Variants in NUDC observed in about 807,000 individuals in gnomAD.
The protein encoded by NUDC is nuclear distribution C, dynein complex regulator.
A neutral mutation model predicts 45.0 loss-of-function variants in NUDC; 14 were observed. The observed-to-expected ratio is 0.31, with a 90% confidence interval of 0.21 to 0.49. The LOEUF is 0.49. Among genes scored for constraint, NUDC ranks in the 20% least tolerant of loss-of-function variants. NUDC has a pLI of 0.99. For synonymous variants in NUDC, 153 were observed against 156.7 expected, an observed-to-expected ratio of 0.98 and a Z score of 0.17; for missense variants, 323 against 426.2, an observed-to-expected ratio of 0.76 and a Z score of 2.13.
chr1:26,930,409 C>G lies in NUDC; in HGVS notation c.159+6243C>G, dbSNP rs1311180320. 2.4e-4 allele frequency among the ~76,000 whole-genome samples: 36 copies of G among 152,206 alleles called. 1 individual carries two copies. Among genetic ancestry groups the G allele is most frequent in the Admixed American group, 2.4e-3 (36 of 15,274 alleles). ...GGTCTTGAATTTCTGATTCTGATCT[C>G]AAGCGACCTACCCGCCTTTGCGGCC... On this transcript the variant is annotated intron_variant, in intron 2 of 8. Transcript: ENST00000321265.
At chr1:26,911,488 A>G (rs972439636) in intron 3 of NUDC, 5 of 348,192 alleles carry the variant, frequency 1.4e-5, no homozygotes, top group African/African-American at 6.4e-5. Flanking sequence ...TCAGGCTCCA[A>G]GTGTTTCATA....
chr1:26,904,111 A>G (rs2124048049), intron 2 of NUDC, among the ~76,000 whole-genome samples: 1 of 149,142 alleles, frequency 6.7e-6, no homozygotes, highest in Non-Finnish European at 1.5e-5. Context: ...GAGAAATTGT[A>G]GATAGGACCA....
chr1:26,939,194 A>G (rs1024142303), intron 2 of NUDC, among the ~76,000 whole-genome samples: 2 of 151,958 alleles, frequency 1.3e-5, no homozygotes, highest in Non-Finnish European at 2.9e-5. Flanking sequence ...GGGTTTTACC[A>G]TGTTGGCCAG....
chr1:26,916,847 C>T (rs142670795), upstream of NUDC, among the ~76,000 whole-genome samples: 6 of 152,182 alleles, frequency 3.9e-5, no homozygotes, highest in East Asian at 1.9e-4. Context: ...TCCAGCTACT[C>T]GAAAGACTAA....
chr1:26,928,277 A>G (rs1013285237), intron 2 of NUDC, among the ~76,000 whole-genome samples: 1 of 152,192 alleles, frequency 6.6e-6, no homozygotes, highest in Non-Finnish European at 1.5e-5. Flanking sequence ...AAAATTTGCC[A>G]TCTGTCATAC....
intron 2 of NUDC, among the ~76,000 whole-genome samples, chr1:26,932,880 C>T (rs1433100599): frequency 6.6e-6 from 1 of 152,092 alleles, no homozygotes; most frequent in Admixed American, 6.6e-5. Context: ...ATGTAATGTC[C>T]ACAGATTTAT....
exon 1 of NUDC, chr1:26,900,241 G>T (rs745895489): frequency 1.2e-6 from 2 of 1,614,056 alleles, no homozygotes; most frequent in Non-Finnish European, 1.7e-6. Flanking sequence ...GGGTCGGTAG[G>T]AATTAGGGCA....
chr1:26,921,744 CGGAAGGCGGACGA>C lies in NUDC; in HGVS notation c.-104_-92del. On this transcript the variant is annotated 5_prime_UTR_variant, in exon 1 of 9. Coordinates refer to ENST00000321265, the MANE Select transcript of NUDC (RefSeq NM_006600.4). The stretch of plus-strand genomic sequence containing the variant: ...CGCGTGCGTGTTTCCGGCTCCGCTG[CGGAAGGCGGACGA>C]CTAGAGTCGTTGGGCCCGGCGCGAC... 1 of 1,253,256 alleles carries C rather than the reference CGGAAGGCGGACGA, an allele frequency of 8.0e-7. No individual in the cohort carries two copies. The highest frequency in any genetic ancestry group is 1.1e-6 in the Non-Finnish European group (1 of 884,914). 77.6% of individuals were successfully genotyped at this position (1,253,256 alleles called of 1,614,324 possible).
intron 2 of NUDC, among the ~76,000 whole-genome samples, chr1:26,935,499 T>A (rs1054366690): frequency 6.6e-6 from 1 of 151,916 alleles, no homozygotes; most frequent in Non-Finnish European, 1.5e-5. Context: ...GAAGGAGAAG[T>A]GCCAGGCAAA....
intron 2 of NUDC, among the ~76,000 whole-genome samples, chr1:26,906,916 C>T (rs2082005260): frequency 6.6e-6 from 1 of 152,052 alleles, no homozygotes; most frequent in Admixed American, 6.6e-5. Context: ...TTAGTAGCTA[C>T]CCAGAGTGAG....
chr1:26,902,469 C>G lies in NUDC; in HGVS notation c.-16+103C>G, dbSNP rs528439417. ...TTACTCCTCTGTATGAGAGAAGAAC[C>G]CTTTTTGCCTAACCCTTGAGTCACT... On this transcript the variant is annotated intron_variant, in intron 2 of 6. Transcript: ENST00000435827. 4 of 152,346 alleles carry G rather than the reference C, an allele frequency of 2.6e-5. No homozygotes were observed. The East Asian group carries it at 5.8e-4, about 22-fold the overall frequency. 9.4% of individuals were successfully genotyped at this position (152,346 alleles called of 1,614,324 possible).
intron 1 of NUDC, chr1:26,900,572 C>G: frequency 1.4e-6 from 1 of 731,474 alleles, no homozygotes; most frequent in Non-Finnish European, 2.2e-6. Context: ...GAACCTGGAG[C>G]TGGAAGATCC....
Position 26,942,896 on chromosome 1 carries a change from TC to T in NUDC, c.574del (p.Arg192GlyfsTer2). 2.5e-6 allele frequency: 4 copies of T among 1,613,822 alleles called. No homozygotes were observed. The highest frequency in any genetic ancestry group is 1.7e-6 in the Non-Finnish European group (2 of 1,180,026). On this transcript the variant is annotated frameshift_variant, in exon 6 of 9. Transcript: ENST00000321265. LOFTEE classifies it high-confidence loss of function. The part of the protein sequence containing the change: ...LDLAVPFCVN[F>X]RLKGKDMVVD... ...CTGGCGGTCCCTTTCTGTGTGAACT[TC>T]CGGCTGAAAGGGAAGGACATGGTGG...
Position 26,937,684 on chromosome 1 carries a change from G to T in NUDC, c.160-3773G>T, listed in dbSNP as rs2082246159. Among the ~76,000 whole-genome samples, 3 of 151,646 alleles carry T rather than the reference G, an allele frequency of 2.0e-5. No homozygotes were observed. In the South Asian group the frequency reaches 6.2e-4, roughly 32 times the overall value. ...GTTTGTTTTTTTGAGACAGAGTCTTGCTCTGTCACCCAGGCTGGGGTGCAG... is the reference window on the plus strand; with the variant it reads ...GTTTGTTTTTTTGAGACAGAGTCTTTCTCTGTCACCCAGGCTGGGGTGCAG... On this transcript the variant is annotated intron_variant, in intron 2 of 8. Transcript: ENST00000321265.
At chr1:26,934,523 A>AGG (rs2082210855) in intron 2 of NUDC, among the ~76,000 whole-genome samples, 1 of 152,178 alleles carries the variant, frequency 6.6e-6, no homozygotes, top group Non-Finnish European at 1.5e-5. Context: ...ATGCCCTTCC[A>AGG]ACAGCCCCAC....
chr1:26,900,391 T>G, exon 1 of NUDC: 1 of 1,613,796 alleles, frequency 6.2e-7, no homozygotes, highest in South Asian at 1.1e-5. Flanking sequence ...GGGATACCGC[T>G]CACTACCAGG....
intron 2 of NUDC, among the ~76,000 whole-genome samples, chr1:26,937,066 A>G (rs1205013675): frequency 1.3e-5 from 2 of 152,192 alleles, no homozygotes; most frequent in Non-Finnish European, 2.9e-5. Context: ...ATAATTTGCT[A>G]GAATGATTCA....
chr1:26,933,213 C>T (rs1405630983), intron 2 of NUDC, among the ~76,000 whole-genome samples: 1 of 151,258 alleles, frequency 6.6e-6, no homozygotes. Context: ...GGATTACAGG[C>T]TTGACCACCG....
At chr1:26,935,280 G>A (rs1457950900) in intron 2 of NUDC, among the ~76,000 whole-genome samples, 2 of 152,142 alleles carry the variant, frequency 1.3e-5, no homozygotes, top group Non-Finnish European at 2.9e-5. Context: ...ACCGTGCCCA[G>A]CCGTAAACCT....
Sources: allele counts gnomAD v4.1 joint callset (sites outside exome capture counted in the v4.1 genomes callset), GRCh38; gene constraint gnomAD v4.1.1; transcripts MANE v1.5; gene names NCBI Gene and HGNC (gene_info 2026-07-23, HGNC 2026-07-21).